LRMDA: variants seen among roughly 807,000 people sequenced by gnomAD.
The protein encoded by LRMDA is leucine-rich melanocyte differentiation-associated protein.
Under a neutral mutation model 29.8 loss-of-function variants are expected in LRMDA, and 18 were observed. The observed-to-expected ratio is 0.60, with a 90% CI of 0.42 to 0.90. LRMDA has a LOEUF of 0.90. Among genes scored for constraint, LRMDA ranks in the 40% least tolerant of loss-of-function variants. The pLI is 0.00. For missense variants in LRMDA, 273 were observed against 273.9 expected (o/e 1.00, Z 0.02); for synonymous variants, 125 against 109.4 (o/e 1.14, Z -0.89).
chr10:75,956,815 C>A (rs1846671757), intron 2 of LRMDA, among the ~76,000 whole-genome samples: 1 of 152,222 alleles, frequency 6.6e-6, no homozygotes, highest in Non-Finnish European at 1.5e-5. Context: ...CAGCACTTCA[C>A]TGATATTCCA....
intron 2 of LRMDA, among the ~76,000 whole-genome samples, chr10:75,611,304 A>G (rs1470441860): frequency 6.6e-6 from 1 of 152,196 alleles, no homozygotes; most frequent in African/African-American, 2.4e-5. Flanking sequence ...CCTTGATCGG[A>G]GTCCACAGTG....
intron 6 of LRMDA, among the ~76,000 whole-genome samples, chr10:76,450,414 A>G (rs1396674743): frequency 1.3e-5 from 2 of 152,076 alleles, no homozygotes; most frequent in Admixed American, 1.3e-4. Flanking sequence ...CTTCCCTAAT[A>G]TTTCTAGTCA....
At chr10:76,533,731 A>G (rs1354986107) in intron 6 of LRMDA, among the ~76,000 whole-genome samples, 1 of 152,230 alleles carries the variant, frequency 6.6e-6, no homozygotes, top group Non-Finnish European at 1.5e-5. Flanking sequence ...ATTCCTGAGT[A>G]TTTAGGTAAA....
At chr10:76,429,262 G>A (rs1176056057) in intron 6 of LRMDA, among the ~76,000 whole-genome samples, 2 of 152,022 alleles carry the variant, frequency 1.3e-5, no homozygotes, top group African/African-American at 2.4e-5. Flanking sequence ...GCAGCCATGC[G>A]AATAATGTGT....
At chr10:76,218,079 C>G (rs1216370027) in intron 5 of LRMDA, among the ~76,000 whole-genome samples, 1 of 152,182 alleles carries the variant, frequency 6.6e-6, no homozygotes, top group African/African-American at 2.4e-5. Context: ...CAGGGACATT[C>G]AGTGGCAATG....
chr10:76,425,658 T>C, intron 6 of LRMDA, among the ~76,000 whole-genome samples: 1 of 152,182 alleles, frequency 6.6e-6, no homozygotes, highest in South Asian at 2.1e-4. Context: ...AATGTTCAAG[T>C]TTGTTACATA....
At chr10:76,353,330 T>TTGTG (rs3998122) in intron 6 of LRMDA, among the ~76,000 whole-genome samples, 37,151 of 146,110 alleles carry the variant, frequency 0.25, 5,514 homozygotes, top group Non-Finnish European at 0.35. Context: ...AGCTGTGGAG[T>TTGTG]TGTGTGTGTG....
At chr10:76,060,599 C>T (rs1040789200) in intron 5 of LRMDA, among the ~76,000 whole-genome samples, 13 of 152,126 alleles carry the variant, frequency 8.5e-5, no homozygotes, top group African/African-American at 2.9e-4. Context: ...GCTTTCTCAC[C>T]CCTGGAGCAG....
chr10:76,331,272 A>G (rs1840901860), intron 6 of LRMDA, among the ~76,000 whole-genome samples: 1 of 152,192 alleles, frequency 6.6e-6, no homozygotes, highest in African/African-American at 2.4e-5. Flanking sequence ...GTCCGTCTCA[A>G]ACAAAACAAG....
intron 2 of LRMDA, among the ~76,000 whole-genome samples, chr10:75,707,889 ACATT>A (rs1415696222): frequency 6.6e-6 from 1 of 152,060 alleles, no homozygotes; most frequent in East Asian, 1.9e-4. Flanking sequence ...ATATTAACCC[ACATT>A]CATTCGGCCA....
intron 2 of LRMDA, among the ~76,000 whole-genome samples, chr10:75,936,481 A>G (rs1329522196): frequency 6.6e-6 from 1 of 152,144 alleles, no homozygotes; most frequent in Non-Finnish European, 1.5e-5. Flanking sequence ...ATCTATTTGT[A>G]TATACAAATA....
At chr10:75,616,466 T>A (rs890736818) in intron 2 of LRMDA, among the ~76,000 whole-genome samples, 8 of 152,170 alleles carry the variant, frequency 5.3e-5, no homozygotes, top group Admixed American at 4.6e-4. Flanking sequence ...ATAGTACAGC[T>A]GCTATAGAGA....
rs377015894 is a variant in LRMDA, at chr10:76,277,617, A to AT, written c.517-46778dup. On this transcript the variant is annotated intron_variant, in intron 5 of 6. Transcript: ENST00000611255. ...TTTCCTGGTTTTGTTGTTAGTCTGA[A>AT]TTTTTTGCTGTGCTGTTTGTTTTCT... Among the ~76,000 whole-genome samples the AT allele has an allele frequency of 2.6e-3, 394 of 151,664 alleles. 3 individuals carry two copies. The highest frequency in any genetic ancestry group is 9.1e-3 in the African/African-American group (376 of 41,294).
At chr10:76,226,542 C>G (rs906004117) in intron 5 of LRMDA, among the ~76,000 whole-genome samples, 2 of 152,152 alleles carry the variant, frequency 1.3e-5, no homozygotes, top group Non-Finnish European at 2.9e-5. Context: ...GAGATCACGC[C>G]ATTGCACTCC....
At chr10:76,080,610 G>A (rs1235634298) in intron 5 of LRMDA, among the ~76,000 whole-genome samples, 1 of 152,202 alleles carries the variant, frequency 6.6e-6, no homozygotes, top group African/African-American at 2.4e-5. Flanking sequence ...CACACCACAA[G>A]GCCACTGTCC....
rs539281044 is a variant in LRMDA at position 75,726,888 on chromosome 10, A to G, written c.131+288394A>G. On this transcript the variant is annotated intron_variant, in intron 2 of 6. Coordinates refer to ENST00000611255, the MANE Select transcript of LRMDA (RefSeq NM_001305581.2). ...ATACACTCATGATCATTCTTCCTTT[A>G]GAGCTTGAGTTACTTTCAGATGTGG... Among the ~76,000 whole-genome samples, 105 of 152,314 alleles carry G rather than the reference A, an allele frequency of 6.9e-4. 1 individual carries two copies. The South Asian group carries it at 0.021, about 31-fold the overall frequency.
chr10:76,188,559 G>A (rs1257018485), intron 5 of LRMDA, among the ~76,000 whole-genome samples: 1 of 152,166 alleles, frequency 6.6e-6, no homozygotes, highest in African/African-American at 2.4e-5. Flanking sequence ...ATGGTGGAAT[G>A]TGTCTAAGTT....
At chr10:75,891,620 C>G (rs1469781078) in intron 2 of LRMDA, among the ~76,000 whole-genome samples, 1 of 152,140 alleles carries the variant, frequency 6.6e-6, no homozygotes, top group African/African-American at 2.4e-5. Context: ...AGAGGGGAAG[C>G]CATTGAAAGG....
Position 75,621,439 on chromosome 10 carries a change from G to A in LRMDA, c.131+182945G>A, listed in dbSNP as rs138115544. On this transcript the variant is annotated intron_variant, in intron 2 of 6. Coordinates refer to ENST00000611255, the MANE Select transcript of LRMDA (RefSeq NM_001305581.2). Reference sequence around the variant, plus strand: ...AGTCTCATGCAGTGCTCAGCACAGAGTAGGTAATCAAAAAATATTCTGTTG... The same window carrying A: ...AGTCTCATGCAGTGCTCAGCACAGAATAGGTAATCAAAAAATATTCTGTTG... Among the ~76,000 whole-genome samples the A allele has an allele frequency of 1.4e-4, 21 of 152,316 alleles. No individual in the cohort carries two copies. In the East Asian group the frequency reaches 4.1e-3, roughly 29 times the overall value.
Sources: gnomAD v4.1 joint callset for allele counts (sites outside exome capture counted in the v4.1 genomes callset) on GRCh38, gnomAD v4.1.1 for gene constraint, MANE v1.5 for transcripts, NCBI Gene and HGNC (gene_info 2026-07-23, HGNC 2026-07-21) for gene names.